KLHL22: variants seen among roughly 807,000 people sequenced by gnomAD.
KLHL22 encodes kelch-like protein 22.
In KLHL22, 18 loss-of-function variants were observed where a neutral mutation model predicts 60.7. The ratio of observed to expected loss-of-function variants is 0.30; its 90% CI spans 0.20 to 0.44. KLHL22 has a LOEUF of 0.44. Among genes scored for constraint, KLHL22 ranks in the 20% least tolerant of loss-of-function variants. The probability of loss-of-function intolerance (pLI) is 1.00; values close to 1 mark genes in which losing one functional copy is unlikely to be tolerated. For synonymous variants in KLHL22, 355 were observed against 354.5 expected, an observed-to-expected ratio of 1.00 and a Z score of -0.01; for missense variants, 596 against 852.3, an observed-to-expected ratio of 0.70 and a Z score of 3.74.
Position 20,441,942 on chromosome 22 carries a change from G to T in KLHL22, c.*131C>A. ...CAAGGGGCTGGTGTGAAGAAAGAGG[G>T]CAGGGCCCATAAGCTGTGGCCAACA... On this transcript the variant is annotated 3_prime_UTR_variant, in exon 7 of 7. Transcript: ENST00000328879. 1.1e-6 allele frequency: 1 copy of T among 906,036 alleles called. No individual in the cohort carries two copies. The highest frequency in any genetic ancestry group is 1.6e-6 in the Non-Finnish European group (1 of 632,514). The allele number at this position is 906,036 out of a possible 1,614,324, so 56.1% of individuals were successfully genotyped here. A position where few individuals can be genotyped will look rare whatever the true frequency, so the allele number is the denominator to read the frequency against.
intron 5 of KLHL22, among the ~76,000 whole-genome samples, chr22:20,455,580 G>T (rs1601334636): frequency 6.6e-6 from 1 of 152,128 alleles, no homozygotes; most frequent in South Asian, 2.1e-4. Flanking sequence ...CACACCTGGG[G>T]TTTCAAAAGT....
intron 2 of KLHL22, among the ~76,000 whole-genome samples, chr22:20,478,585 G>A (rs2053450713): frequency 7.0e-6 from 1 of 142,308 alleles, no homozygotes; most frequent in Non-Finnish European, 1.5e-5. Flanking sequence ...CATGATCTCG[G>A]TTCACTGCAA....
chr22:20,470,786 A>G (rs201794309), intron 3 of KLHL22, among the ~76,000 whole-genome samples: 311 of 137,686 alleles, frequency 2.3e-3, no homozygotes, highest in Middle Eastern at 0.011. Flanking sequence ...ATGGATGGAT[A>G]GATGGATGGA....
rs1006716576 is a variant in KLHL22, at chr22:20,495,049, C to T, written c.-34+711G>A. ...GCGGGGCAGCCTTCCAAAGGGTGCG[C>T]TCTGGAAGAATCTCCCAGGGAGCCG... On this transcript the variant is annotated intron_variant, in intron 1 of 6. Coordinates refer to ENST00000328879, the MANE Select transcript of KLHL22 (RefSeq NM_032775.4). This position sits in a 1 kb window ranked among gnomAD's most constrained non-coding sequence, Gnocchi z 4.6. 1.3e-5 allele frequency among the ~76,000 whole-genome samples: 2 copies of T among 152,182 alleles called. No homozygotes were observed. The highest frequency in any genetic ancestry group is 2.4e-5 in the African/African-American group (1 of 41,454).
intron 2 of KLHL22, among the ~76,000 whole-genome samples, chr22:20,478,353 G>A (rs542964489): frequency 1.5e-4 from 23 of 150,214 alleles, no homozygotes; most frequent in African/African-American, 5.4e-4. Context: ...TTACAGGCAT[G>A]CGCCACCACA....
intron 2 of KLHL22, 130 bp from the exon 3 acceptor site, chr22:20,471,645 T>A: frequency 3.3e-6 from 3 of 901,384 alleles, no homozygotes; most frequent in Non-Finnish European, 5.2e-6. Context: ...TGACCCACTC[T>A]GTGCTCTGAG....
At chr22:20,493,075 A>G (rs2053716052) in intron 1 of KLHL22, 1 of 460,158 alleles carries the variant, frequency 2.2e-6, no homozygotes, top group African/African-American at 2.0e-5. Context: ...CGCAGAGTCA[A>G]GAGGGCCTCC....
chr22:20,451,594 T>C, intron 5 of KLHL22: 2 of 1,596,984 alleles, frequency 1.3e-6, no homozygotes, highest in Non-Finnish European at 8.6e-7. Context: ...CGTTGAAGCA[T>C]ACAACATTCG....
intron 1 of KLHL22, chr22:20,491,709 G>A (rs1194835705): frequency 2.6e-5 from 4 of 152,058 alleles, no homozygotes; most frequent in African/African-American, 9.7e-5. Context: ...ATCTTTAAAA[G>A]AAAAAATGAA....
intron 5 of KLHL22, among the ~76,000 whole-genome samples, chr22:20,452,907 A>G (rs749362122): frequency 2.0e-5 from 3 of 152,232 alleles, no homozygotes; most frequent in Non-Finnish European, 2.9e-5. Flanking sequence ...TGATTGGTAC[A>G]TTTAGTCTTT....
intron 5 of KLHL22, among the ~76,000 whole-genome samples, chr22:20,454,842 T>C (rs909441042): frequency 6.6e-6 from 1 of 152,144 alleles, no homozygotes; most frequent in Non-Finnish European, 1.5e-5. Context: ...CGGCTTTTTG[T>C]AATATTCAGT....
At chr22:20,493,365 C>G (rs2053720565) in intron 1 of KLHL22, 1 of 395,966 alleles carries the variant, frequency 2.5e-6, no homozygotes, top group Admixed American at 3.2e-5. Context: ...GAGCACAGCA[C>G]AGGGTGCAAC....
intron 6 of KLHL22, among the ~76,000 whole-genome samples, chr22:20,442,675 G>T (rs1190241824): frequency 6.6e-6 from 1 of 152,258 alleles, no homozygotes; most frequent in Non-Finnish European, 1.5e-5. Flanking sequence ...CCCCTAGAAT[G>T]ATCCTATTCT....
chr22:20,483,640 T>C lies in KLHL22; in HGVS notation c.227+5345A>G, dbSNP rs144342371. The C allele has an allele frequency of 2.9e-3, 2,087 of 725,532 alleles. 5 individuals carry two copies. Among genetic ancestry groups the C allele is most frequent in the Non-Finnish European group, 4.1e-3 (1,603 of 390,292 alleles). The allele number at this position is 725,532 out of a possible 1,614,324, so 44.9% of individuals were successfully genotyped here. A position where few individuals can be genotyped will look rare whatever the true frequency, so the allele number is the denominator to read the frequency against. On this transcript the variant is annotated intron_variant, in intron 2 of 6. Transcript: ENST00000328879. ...AAAGTCATCAGCAGCAAGACGGGCA[T>C]TGTCGATCTACAGAAAGATACGGGC... is the stretch of plus-strand genomic sequence containing the variant.
At chr22:20,458,024 A>T in intron 4 of KLHL22, 24 bp from the exon 5 acceptor site, 5 of 1,612,600 alleles carry the variant, frequency 3.1e-6, no homozygotes, top group Non-Finnish European at 4.2e-6. Flanking sequence ...TGAGGAAAGC[A>T]CAGCACTGAC....
At chr22:20,452,176 G>A (rs2052990240) in intron 5 of KLHL22, among the ~76,000 whole-genome samples, 1 of 151,640 alleles carries the variant, frequency 6.6e-6, no homozygotes, top group Non-Finnish European at 1.5e-5. Context: ...GAACTAAGGT[G>A]AGTATAGCCT....
Position 20,441,774 on chromosome 22 carries a change from G to T in KLHL22, c.*299C>A. ...CAGCTCCCAGGTCCTTTTGGAGAAG[G>T]ACTGATCTAGGCAGGGAGGAGAGAA... On this transcript the variant is annotated 3_prime_UTR_variant, in exon 7 of 7. Transcript: ENST00000328879. 3.2e-6 allele frequency: 1 copy of T among 308,634 alleles called. No individual in the cohort carries two copies. Among genetic ancestry groups the T allele is most frequent in the Non-Finnish European group, 6.1e-6 (1 of 165,102 alleles). 19.1% of individuals were successfully genotyped at this position (308,634 alleles called of 1,614,324 possible).
intron 1 of KLHL22, among the ~76,000 whole-genome samples, chr22:20,493,655 G>A (rs1430368594): frequency 6.6e-6 from 1 of 151,902 alleles, no homozygotes; most frequent in Non-Finnish European, 1.5e-5. Flanking sequence ...GGTGGTAGGT[G>A]CCTATAATCC....
chr22:20,458,428 G>A (rs957519701), intron 4 of KLHL22, among the ~76,000 whole-genome samples: 13 of 144,902 alleles, frequency 9.0e-5, no homozygotes, highest in Non-Finnish European at 1.7e-4. Flanking sequence ...CTACAGGTGC[G>A]CACCACAACG....
Sources: allele counts gnomAD v4.1 joint callset (sites outside exome capture counted in the v4.1 genomes callset), GRCh38; gene constraint gnomAD v4.1.1; non-coding constraint Gnocchi (gnomAD v3.1); transcripts MANE v1.5; gene names NCBI Gene and HGNC (gene_info 2026-07-23, HGNC 2026-07-21).